The following TMEM108 variants were observed in gnomAD, a reference collection of about 807,000 sequenced individuals.
The protein encoded by TMEM108 is transmembrane protein 108.
A neutral mutation model predicts 35.1 loss-of-function variants in TMEM108; 12 were observed. That is an observed-to-expected ratio of 0.34 (90% CI 0.22 to 0.55). The LOEUF is 0.55. Ranked by LOEUF, TMEM108 falls within the 20% of genes least tolerant of loss-of-function variation. The pLI, the probability that TMEM108 is intolerant of heterozygous loss-of-function variation, is 0.89. For synonymous variants in TMEM108, 287 were observed against 308.6 expected (o/e 0.93, Z 0.73); for missense variants, 680 against 753.3 (o/e 0.90, Z 1.14).
At chr3:133,097,366 A>G (rs1944028339) in intron 2 of TMEM108, among the ~76,000 whole-genome samples, 1 of 152,188 alleles carries the variant, frequency 6.6e-6, no homozygotes, top group Non-Finnish European at 1.5e-5. Flanking sequence ...TAATGTTTTA[A>G]TGTTCTTCCT....
At chr3:133,050,609 A>G (rs375339261) in intron 2 of TMEM108, among the ~76,000 whole-genome samples, 7 of 152,010 alleles carry the variant, frequency 4.6e-5, no homozygotes, top group African/African-American at 1.4e-4. Flanking sequence ...ATCCATCATT[A>G]TAGTCTATAG....
chr3:133,310,575 G>C (rs1184074461), intron 3 of TMEM108, among the ~76,000 whole-genome samples: 2 of 83,308 alleles, frequency 2.4e-5, no homozygotes, highest in Non-Finnish European at 4.4e-5. Flanking sequence ...CCATTCTCTT[G>C]GTAGATCTTC....
chr3:133,282,892 T>A (rs1946934826), intron 3 of TMEM108, among the ~76,000 whole-genome samples: 1 of 152,202 alleles, frequency 6.6e-6, no homozygotes, highest in South Asian at 2.1e-4. Flanking sequence ...AAGAGCAAGG[T>A]TCATTGGTAT....
At chr3:133,325,569 C>T (rs1344975671) in intron 3 of TMEM108, among the ~76,000 whole-genome samples, 1 of 152,050 alleles carries the variant, frequency 6.6e-6, no homozygotes, top group Non-Finnish European at 1.5e-5. Flanking sequence ...AAAATCAATA[C>T]ATGTTAGCCA....
chr3:133,190,847 A>G (rs1945487793), intron 2 of TMEM108, among the ~76,000 whole-genome samples: 1 of 152,160 alleles, frequency 6.6e-6, no homozygotes, highest in South Asian at 2.1e-4. Context: ...CTTATGAACA[A>G]AGAGGAATAT....
At chr3:133,316,651 A>G (rs2071203126) in intron 3 of TMEM108, among the ~76,000 whole-genome samples, 1 of 152,250 alleles carries the variant, frequency 6.6e-6, no homozygotes, top group African/African-American at 2.4e-5. Context: ...GTCAAACTCT[A>G]TACCTTACCT....
chr3:133,298,898 G>A (rs1947181823), intron 3 of TMEM108, among the ~76,000 whole-genome samples: 1 of 152,158 alleles, frequency 6.6e-6, no homozygotes. Flanking sequence ...TCGGCTGCCT[G>A]TGGCATTTTA....
chr3:133,085,458 G>C (rs1459304983), intron 2 of TMEM108, among the ~76,000 whole-genome samples: 2 of 152,140 alleles, frequency 1.3e-5, no homozygotes, highest in Non-Finnish European at 2.9e-5. Context: ...CTCAATCAGA[G>C]GCTACAGCAA....
At chr3:133,138,940 C>T (rs1362428550) in intron 2 of TMEM108, among the ~76,000 whole-genome samples, 3 of 151,812 alleles carry the variant, frequency 2.0e-5, no homozygotes, top group Non-Finnish European at 4.4e-5. Context: ...CAACAGGCCC[C>T]TGTGTGTGAT....
chr3:133,273,160 T>G (rs894376340), intron 3 of TMEM108, among the ~76,000 whole-genome samples: 1 of 152,202 alleles, frequency 6.6e-6, no homozygotes, highest in Non-Finnish European at 1.5e-5. Context: ...TTTAGTGGGT[T>G]AATGAGCCCC....
At chr3:133,390,118 G>A in intron 4 of TMEM108, 62 bp from the exon 5 acceptor site, 1 of 1,601,264 alleles carries the variant, frequency 6.2e-7, no homozygotes, top group South Asian at 1.1e-5. Context: ...CAGTTCGGTG[G>A]TGCAACCCAG....
intron 2 of TMEM108, among the ~76,000 whole-genome samples, chr3:133,121,676 A>G (rs922723826): frequency 6.6e-6 from 1 of 152,226 alleles, no homozygotes; most frequent in Non-Finnish European, 1.5e-5. Context: ...AAACCGTCAC[A>G]ACAGTCATTA....
rs538099593 is a variant in TMEM108, at chr3:133,328,809, A to AT, written c.41-50942dup. Reference sequence around the variant, plus strand: ...GCAGTAGGTTAGATGTAACATAGGAATGAACCCTGAACAATGCTTTCTGAA... The same window carrying AT: ...GCAGTAGGTTAGATGTAACATAGGAATTGAACCCTGAACAATGCTTTCTGAA... On this transcript the variant is annotated intron_variant, in intron 3 of 5. Coordinates refer to ENST00000321871, the MANE Select transcript of TMEM108 (RefSeq NM_023943.4). Among the ~76,000 whole-genome samples the AT allele has an allele frequency of 2.6e-3, 396 of 152,328 alleles. 1 individual carries two copies. Among genetic ancestry groups the AT allele is most frequent in the African/African-American group, 9.2e-3 (384 of 41,576 alleles).
intron 2 of TMEM108, among the ~76,000 whole-genome samples, chr3:133,164,719 C>T (rs1945011428): frequency 6.6e-6 from 1 of 152,136 alleles, no homozygotes; most frequent in African/African-American, 2.4e-5. Context: ...TTAGGGGCCT[C>T]TTGTGACCCT....
intron 2 of TMEM108, among the ~76,000 whole-genome samples, chr3:133,175,112 G>C (rs942462495): frequency 5.3e-5 from 8 of 152,104 alleles, no homozygotes; most frequent in South Asian, 2.1e-4. Flanking sequence ...GAAGTGAGAA[G>C]GGAAGTTTAG....
intron 3 of TMEM108, among the ~76,000 whole-genome samples, chr3:133,235,004 T>G (rs1274246453): frequency 2.0e-5 from 3 of 152,154 alleles, no homozygotes; most frequent in Non-Finnish European, 4.4e-5. Flanking sequence ...CATTCACAAT[T>G]GCTTCAAAGG....
intron 2 of TMEM108, among the ~76,000 whole-genome samples, chr3:133,070,255 A>G (rs1171753384): frequency 6.6e-5 from 10 of 152,140 alleles, no homozygotes; most frequent in Admixed American, 6.6e-4. Context: ...AGTGTCAAGT[A>G]TGAGATATTG....
chr3:133,059,338 A>C (rs1212934188), intron 2 of TMEM108, among the ~76,000 whole-genome samples: 1 of 152,208 alleles, frequency 6.6e-6, no homozygotes, highest in African/African-American at 2.4e-5. Context: ...ACATATATTT[A>C]GTAACTACTT....
At chr3:133,386,416 T>A (rs2073150811) in intron 4 of TMEM108, 1 of 1,536,008 alleles carries the variant, frequency 6.5e-7, no homozygotes, top group Non-Finnish European at 8.7e-7. Flanking sequence ...CCATTTCTCA[T>A]CACACAGCAG....
Sources: allele counts gnomAD v4.1 joint callset (sites outside exome capture counted in the v4.1 genomes callset), GRCh38; gene constraint gnomAD v4.1.1; transcripts MANE v1.5; gene names NCBI Gene and HGNC (gene_info 2026-07-23, HGNC 2026-07-21).